HEPHL1: variants seen among roughly 807,000 people sequenced by gnomAD.
HEPHL1 encodes hephaestin like 1.
Under a neutral mutation model 122.0 loss-of-function variants are expected in HEPHL1, and 123 were observed. The observed-to-expected ratio is 1.01, with a 90% CI of 0.87 to 1.17. The LOEUF is 1.17. Among genes scored for constraint, HEPHL1 ranks in the 50% most tolerant of loss-of-function variants. The pLI, the probability that HEPHL1 is intolerant of heterozygous loss-of-function variation, is 0.00. For missense variants in HEPHL1, 1,452 were observed against 1,430.5 expected, an observed-to-expected ratio of 1.01 and a Z score of -0.24; for synonymous variants, 527 against 508.9, an observed-to-expected ratio of 1.04 and a Z score of -0.48.
chr11:94,063,677 C>T lies in HEPHL1; in HGVS notation c.585C>T (p.Asp195=). The T allele has an allele frequency of 6.2e-7, 1 of 1,613,840 alleles. No individual in the cohort carries two copies. The highest frequency in any genetic ancestry group is 8.5e-7 in the Non-Finnish European group (1 of 1,179,820). Residue 195 remains aspartate, a synonymous_variant, in exon 3 of 20, where the codon GAC becomes GAT. Transcript: ENST00000315765. ...VYHSHIDAPK[D]ICSGLIGPLL... Reference sequence around the variant, plus strand: ...ATTCGCACATCGACGCCCCAAAGGACATCTGCTCTGGGCTAATTGGGCCCC... The same window carrying T: ...ATTCGCACATCGACGCCCCAAAGGATATCTGCTCTGGGCTAATTGGGCCCC...
chr11:94,029,142 C>G (rs575527108), intron 1 of HEPHL1, among the ~76,000 whole-genome samples: 3 of 152,116 alleles, frequency 2.0e-5, no homozygotes, highest in Non-Finnish European at 4.4e-5. Flanking sequence ...AAATTTTTAT[C>G]AAATAGTTAC....
chr11:94,068,015 A>C (rs375256257), intron 5 of HEPHL1, among the ~76,000 whole-genome samples: 1 of 152,226 alleles, frequency 6.6e-6, no homozygotes, highest in African/African-American at 2.4e-5. Flanking sequence ...GTTGTTAGAC[A>C]TAGTTAGACA....
intron 2 of HEPHL1, among the ~76,000 whole-genome samples, chr11:94,048,414 C>A (rs1049054857): frequency 2.6e-5 from 4 of 152,090 alleles, no homozygotes; most frequent in Non-Finnish European, 5.9e-5. Context: ...GGCTGGAGTG[C>A]AGTAGTACAG....
In HEPHL1 at chr11:94,045,845, C is replaced by A. The variant is rs775728427; in HGVS notation, c.343C>A (p.His115Asn). 3.1e-6 allele frequency: 5 copies of A among 1,613,844 alleles called. No individual in the cohort carries two copies. The East Asian group carries it at 8.9e-5, about 29-fold the overall frequency. ...CGAAGTGGGTGATGTGATTGTCATT[C>A]ATTTAAAGAACTTTGCTTCTCGACC... is the stretch of plus-strand genomic sequence containing the variant. Reference protein sequence around the residue: ...RAEVGDVIVIHLKNFASRPYS... With the variant: ...RAEVGDVIVINLKNFASRPYS... Residue 115 changes from histidine to asparagine, a missense_variant, in exon 2 of 20, where the codon CAT (histidine) becomes AAT (asparagine). Transcript: ENST00000315765.
At chr11:94,086,228 A>G in intron 11 of HEPHL1, 39 bp downstream of exon 11, 2 of 1,469,336 alleles carry the variant, frequency 1.4e-6, no homozygotes, top group Non-Finnish European at 1.9e-6. Context: ...CCAGATTTCT[A>G]CCTTCAGGCT....
chr11:94,051,264 C>T (rs1200275773), intron 2 of HEPHL1, among the ~76,000 whole-genome samples: 4 of 152,118 alleles, frequency 2.6e-5, no homozygotes, highest in Admixed American at 2.6e-4. Context: ...TTTACATTCC[C>T]ACCAACAATG....
intron 1 of HEPHL1, among the ~76,000 whole-genome samples, chr11:94,042,975 T>C (rs12362164): frequency 0.33 from 48,915 of 149,994 alleles, 9,213 homozygotes; most frequent in South Asian, 0.45. Flanking sequence ...AAGGCTGGGA[T>C]AGGTTTCCTT....
chr11:94,092,535 G>C (rs1288342037), intron 12 of HEPHL1, among the ~76,000 whole-genome samples: 1 of 152,154 alleles, frequency 6.6e-6, no homozygotes, highest in Non-Finnish European at 1.5e-5. Context: ...AGATTATTTA[G>C]TGCCATCGTT....
At chr11:94,053,195 CTTGTG>C (rs1192805773) in intron 2 of HEPHL1, among the ~76,000 whole-genome samples, 1 of 151,874 alleles carries the variant, frequency 6.6e-6, no homozygotes, top group Non-Finnish European at 1.5e-5. Context: ...GTTTTGGTAA[CTTGTG>C]TCTTCCTAGA....
At chr11:94,033,457 G>A (rs1043895924) in intron 1 of HEPHL1, among the ~76,000 whole-genome samples, 5 of 152,152 alleles carry the variant, frequency 3.3e-5, no homozygotes, top group Admixed American at 3.3e-4. Context: ...CATTTGTGTA[G>A]GGTAAGAAGA....
At chr11:94,033,919 T>A (rs1945698923) in intron 1 of HEPHL1, among the ~76,000 whole-genome samples, 1 of 152,144 alleles carries the variant, frequency 6.6e-6, no homozygotes. Context: ...GCACTGTGTA[T>A]GTAGAGAGGA....
At chr11:94,081,432 C>A (rs535207341) in intron 9 of HEPHL1, among the ~76,000 whole-genome samples, 1 of 152,294 alleles carries the variant, frequency 6.6e-6, no homozygotes. Context: ...GCAGACTGCA[C>A]CTGTATCCCA....
intron 11 of HEPHL1, among the ~76,000 whole-genome samples, chr11:94,087,915 A>T (rs1011405223): frequency 6.6e-6 from 1 of 152,242 alleles, no homozygotes; most frequent in African/African-American, 2.4e-5. Flanking sequence ...TACATTGTAG[A>T]AGGTTAATGA....
At chr11:94,047,455 C>T (rs371994714) in intron 2 of HEPHL1, among the ~76,000 whole-genome samples, 6 of 152,070 alleles carry the variant, frequency 3.9e-5, no homozygotes, top group South Asian at 2.1e-4. Context: ...TGAGAATATG[C>T]GATATTTGGT....
chr11:94,081,852 T>A (rs769783461), intron 9 of HEPHL1, among the ~76,000 whole-genome samples: 12 of 152,080 alleles, frequency 7.9e-5, no homozygotes, highest in Non-Finnish European at 1.8e-4. Context: ...TAGGGTAAAG[T>A]GAGTGAGTTT....
rs1406519084 is a variant in HEPHL1, at chr11:94,098,312, C to A, written c.2435-2883C>A. Among the ~76,000 whole-genome samples the A allele has an allele frequency of 2.6e-5, 4 of 152,316 alleles. No individual in the cohort carries two copies. In the South Asian group the frequency reaches 6.2e-4, roughly 24 times the overall value. ...GATATGAAATTCTGAGTTGAAAATTCTTTTCTTTAAGTATGTTGAATATTG... is the reference window on the plus strand; with the variant it reads ...GATATGAAATTCTGAGTTGAAAATTATTTTCTTTAAGTATGTTGAATATTG... On this transcript the variant is annotated intron_variant, in intron 13 of 19. Coordinates refer to ENST00000315765, the MANE Select transcript of HEPHL1 (RefSeq NM_001098672.2).
chr11:94,067,452 C>T, intron 4 of HEPHL1, 44 bp from the exon 5 acceptor site: 3 of 1,597,016 alleles, frequency 1.9e-6, no homozygotes, highest in Non-Finnish European at 2.6e-6. Flanking sequence ...GTCCCAGTCG[C>T]CTCTGCAGGG....
intron 10 of HEPHL1, among the ~76,000 whole-genome samples, chr11:94,084,361 TAA>T (rs1406825666): frequency 2.0e-5 from 3 of 150,240 alleles, no homozygotes; most frequent in African/African-American, 2.4e-5. Flanking sequence ...AATAAATAAA[TAA>T]ATAAATAAAT....
chr11:94,084,633 A>G (rs962285238), intron 10 of HEPHL1, among the ~76,000 whole-genome samples: 1 of 152,198 alleles, frequency 6.6e-6, no homozygotes, highest in Non-Finnish European at 1.5e-5. Context: ...GTAGAAAGAG[A>G]GGCTTTAAAC....
Sources: allele counts gnomAD v4.1 joint callset (sites outside exome capture counted in the v4.1 genomes callset), GRCh38; gene constraint gnomAD v4.1.1; transcripts MANE v1.5; gene names NCBI Gene and HGNC (gene_info 2026-07-23, HGNC 2026-07-21).